The following SNAPIN variants were observed in gnomAD, a reference collection of about 807,000 sequenced individuals.
SNAPIN encodes SNAP associated protein.
A neutral mutation model predicts 15.9 loss-of-function variants in SNAPIN; 16 were observed. The ratio of observed to expected loss-of-function variants is 1.01; its 90% confidence interval spans 0.68 to 1.53. The LOEUF (loss-of-function observed/expected upper bound fraction) is 1.53, where lower values mean the gene tolerates loss of function less well. SNAPIN is among the 40% of genes most tolerant of loss of function. The pLI is 0.00. For missense variants in SNAPIN, 186 were observed against 180.1 expected (o/e 1.03, Z -0.19); for synonymous variants, 83 against 76.2 (o/e 1.09, Z -0.46).
At chr1:153,660,958 A>G in intron 3 of SNAPIN, among the ~76,000 whole-genome samples, 1 of 151,728 alleles carries the variant, frequency 6.6e-6, no homozygotes, top group Non-Finnish European at 1.5e-5. Flanking sequence ...TTTAGTAGAG[A>G]CGGGTTTTAC....
intron 1 of SNAPIN, 59 bp downstream of exon 1, chr1:153,658,945 C>T (rs1030972278): frequency 4.6e-5 from 73 of 1,599,798 alleles, no homozygotes; most frequent in Non-Finnish European, 6.0e-5. Flanking sequence ...GGGGCGGGGC[C>T]AAGAAAGTGT....
Position 153,658,723 on chromosome 1 carries a change from CG to C in SNAPIN, c.-18del. 2 of 1,513,702 alleles carry C rather than the reference CG, an allele frequency of 1.3e-6. No individual in the cohort carries two copies. The highest frequency in any genetic ancestry group is 2.6e-5 in the South Asian group (2 of 75,802). The allele number at this position is 1,513,702 out of a possible 1,614,324, so 93.8% of individuals were successfully genotyped here. A position where few individuals can be genotyped will look rare whatever the true frequency, so the allele number is the denominator to read the frequency against. The stretch of plus-strand genomic sequence containing the variant: ...TCCCGGCGGCCCTCGCGGCAGGTTT[CG>C]GGCTTCAGGACAATTCGTGATGGCG... On this transcript the variant is annotated 5_prime_UTR_variant, in exon 1 of 4. Transcript: ENST00000368685.
intron 3 of SNAPIN, 35 bp from the exon 4 acceptor site, chr1:153,661,165 A>G: frequency 6.4e-7 from 1 of 1,565,162 alleles, no homozygotes; most frequent in Non-Finnish European, 8.8e-7. Context: ...AGCCTTTCAC[A>G]GTGGTTAAGA....
Position 153,661,397 on chromosome 1 carries a change from C to T in SNAPIN, c.*96C>T. On this transcript the variant is annotated 3_prime_UTR_variant, in exon 4 of 4. Transcript: ENST00000368685. ...ATCCTAGGAGACAGTCCCCATAGACCTTCAGACATTAAAAAGGGAGCCGTA... is the reference window on the plus strand; with the variant it reads ...ATCCTAGGAGACAGTCCCCATAGACTTTCAGACATTAAAAAGGGAGCCGTA... The T allele has an allele frequency of 1.1e-6, 1 of 922,498 alleles. No individual in the cohort carries two copies. The highest frequency in any genetic ancestry group is 1.7e-6 in the Non-Finnish European group (1 of 590,060). 57.1% of individuals were successfully genotyped at this position (922,498 alleles called of 1,614,324 possible). A position where few individuals can be genotyped will look rare whatever the true frequency, so the allele number is the denominator to read the frequency against.
chr1:153,661,203 C>T lies in SNAPIN; in HGVS notation c.313C>T (p.Arg105Ter), dbSNP rs142887644. The change falls in exon 4 of 4, where the codon CGA becomes TGA. Residue 105 changes from arginine to a stop codon, truncating the protein, a stop_gained. Coordinates refer to ENST00000368685, the MANE Select transcript of SNAPIN (RefSeq NM_012437.6). LOFTEE classifies it high-confidence loss of function. ...CCAAACCTTCCTTGTCTTGTAGGAA[C>T]GACTGAGACGGCTAAACCACAGTGT... Reference protein sequence around the residue: ...VNNILQNAQERLRRLNHSVAK... With the variant: ...VNNILQNAQE The T allele has an allele frequency of 4.3e-5, 70 of 1,613,192 alleles. No individual in the cohort carries two copies. Among genetic ancestry groups the T allele is most frequent in the South Asian group, 1.8e-4 (16 of 91,078 alleles).
At position 153,659,181 on chromosome 1, in the gene SNAPIN, A is replaced by G. The variant is rs779568038; in HGVS notation, c.187A>G (p.Thr63Ala). Residue 63 changes from threonine (T) to alanine (A), a missense_variant, in exon 2 of 4, where the codon ACA becomes GCA. Coordinates refer to ENST00000368685, the MANE Select transcript of SNAPIN (RefSeq NM_012437.6). ...ELREQIDNLA[T>A]ELCRINEDQK... The stretch of plus-strand genomic sequence containing the variant: ...CCGGGAACAAATTGACAACCTAGCC[A>G]CAGGTGAGTGAGCATCCCTGTGTAC... 3 of 1,613,990 alleles carry G rather than the reference A, an allele frequency of 1.9e-6. No individual in the cohort carries two copies. Among genetic ancestry groups the G allele is most frequent in the African/African-American group, 1.3e-5 (1 of 74,922 alleles).
At chr1:153,660,121 C>T (rs762305034) in intron 3 of SNAPIN, among the ~76,000 whole-genome samples, 1 of 152,144 alleles carries the variant, frequency 6.6e-6, no homozygotes, top group Non-Finnish European at 1.5e-5. Context: ...CTCCCAGGCT[C>T]AAGCGATCCA....
rs16835481 is a variant in SNAPIN, at chr1:153,659,408, A to G, written c.191-40A>G. The G allele has an allele frequency of 5.3e-3, 8,043 of 1,514,216 alleles. 351 individuals carry two copies. In the African/African-American group the frequency reaches 0.098, roughly 18 times the overall value. The allele number at this position is 1,514,216 out of a possible 1,614,324, so 93.8% of individuals were successfully genotyped here. A position where few individuals can be genotyped will look rare whatever the true frequency, so the allele number is the denominator to read the frequency against. ...CCTGCTTTCCCTCAGAACAAGAGATAAGCCGTTAGATCTTAGCTGCACCTT... is the reference window on the plus strand; with the variant it reads ...CCTGCTTTCCCTCAGAACAAGAGATGAGCCGTTAGATCTTAGCTGCACCTT... On this transcript the variant is annotated intron_variant, in intron 2 of 3. Coordinates refer to ENST00000368685, the MANE Select transcript of SNAPIN (RefSeq NM_012437.6).
At position 153,658,887 on chromosome 1, in the gene SNAPIN, G is replaced by T; in HGVS notation, c.143+1G>T. ...TCGACTCTCACGTACACGCCGTCAG[G>T]TGCCCGGGAGGGAAGTTGGGGGCGG... On this transcript the variant is annotated splice_donor_variant, in intron 1 of 3. Coordinates refer to ENST00000368685, the MANE Select transcript of SNAPIN (RefSeq NM_012437.6). LOFTEE classifies it high-confidence loss of function. The T allele has an allele frequency of 6.2e-7, 1 of 1,609,572 alleles. No individual in the cohort carries two copies. The highest frequency in any genetic ancestry group is 8.5e-7 in the Non-Finnish European group (1 of 1,179,204).
In SNAPIN at chr1:153,658,753, GC is replaced by G; in HGVS notation, c.11del (p.Ala4ValfsTer49). The G allele has an allele frequency of 6.4e-7, 1 of 1,564,270 alleles. No individual in the cohort carries two copies. The highest frequency in any genetic ancestry group is 1.2e-5 in the South Asian group (1 of 84,752). On this transcript the variant is annotated frameshift_variant, in exon 1 of 4. Transcript: ENST00000368685. LOFTEE classifies it high-confidence loss of function. MAG[A>X]GSAAVSGAGT... Reference sequence around the variant, plus strand: ...TTCAGGACAATTCGTGATGGCGGGGGCTGGTTCCGCCGCTGTATCGGGGGCA... The same window carrying G: ...TTCAGGACAATTCGTGATGGCGGGGGTGGTTCCGCCGCTGTATCGGGGGCA...
chr1:153,659,498 T>TA lies in SNAPIN; in HGVS notation c.242dup (p.Tyr81Ter). 1 of 1,614,102 alleles carries TA rather than the reference T, an allele frequency of 6.2e-7. No individual in the cohort carries two copies. Among genetic ancestry groups the TA allele is most frequent in the Non-Finnish European group, 8.5e-7 (1 of 1,179,978 alleles). The change falls in exon 3 of 4, where the codon TAT (tyrosine) becomes TAAT (stop). Residue 81 changes from tyrosine (Y) to a stop codon, truncating the protein, a stop_gained and frameshift_variant. Coordinates refer to ENST00000368685, the MANE Select transcript of SNAPIN (RefSeq NM_012437.6). LOFTEE classifies it high-confidence loss of function. The stretch of plus-strand genomic sequence containing the variant: ...GAAGGTGGCCCTGGATCTTGACCCC[T>TA]ATGTTAAGAAGCTACTTAATGCCCG... ...DQKVALDLDPYVKKLLNARRR... is the reference protein window; with the variant it reads ...DQKVALDLDP
intron 3 of SNAPIN, 38 bp downstream of exon 3, chr1:153,659,604 T>G: frequency 7.1e-7 from 1 of 1,412,192 alleles, no homozygotes; most frequent in Non-Finnish European, 1.0e-6. Context: ...TCTTTGCCCT[T>G]TTTTGTAAGT....
Position 153,661,270 on chromosome 1 carries a change from G to A in SNAPIN, c.380G>A (p.Gly127Glu). The change falls in exon 4 of 4, where the codon GGA (glycine) becomes GAA (glutamate). Residue 127 changes from glycine to glutamate, a missense_variant. Physicochemically the swap from Gly to Glu is moderately conservative, Grantham distance 98 (BLOSUM62 -2). Transcript: ENST00000368685. ...TARRRAMLDS[G>E]IYPPGSPGK ...CGCAGGAGAGCAATGCTGGATTCGG[G>A]AATTTACCCCCCTGGCTCCCCAGGC... is the stretch of plus-strand genomic sequence containing the variant. The A allele has an allele frequency of 1.2e-6, 2 of 1,613,604 alleles. No homozygotes were observed. The highest frequency in any genetic ancestry group is 1.7e-6 in the Non-Finnish European group (2 of 1,179,734).
chr1:153,658,891 C>A lies in SNAPIN; in HGVS notation c.143+5C>A. ...CTCTCACGTACACGCCGTCAGGTGC[C>A]CGGGAGGGAAGTTGGGGGCGGGGCC... On this transcript the variant is annotated splice_donor_5th_base_variant and intron_variant, in intron 1 of 3. Coordinates refer to ENST00000368685, the MANE Select transcript of SNAPIN (RefSeq NM_012437.6). The A allele has an allele frequency of 6.2e-7, 1 of 1,609,370 alleles. No individual in the cohort carries two copies. The highest frequency in any genetic ancestry group is 8.5e-7 in the Non-Finnish European group (1 of 1,179,120).
chr1:153,661,283 T>C lies in SNAPIN; in HGVS notation c.393T>C (p.Pro131=), dbSNP rs764776236. 50 of 1,613,226 alleles carry C rather than the reference T, an allele frequency of 3.1e-5. No homozygotes were observed. Among genetic ancestry groups the C allele is most frequent in the Non-Finnish European group, 4.2e-5 (49 of 1,179,490 alleles). The change falls in exon 4 of 4, where the codon CCT becomes CCC. Residue 131 remains proline (P), a synonymous_variant. Coordinates refer to ENST00000368685, the MANE Select transcript of SNAPIN (RefSeq NM_012437.6). ...RAMLDSGIYP[P]GSPGK is the part of the protein sequence containing the mutation. ...TGCTGGATTCGGGAATTTACCCCCC[T>C]GGCTCCCCAGGCAAATAACAGATGA...
intron 3 of SNAPIN, among the ~76,000 whole-genome samples, chr1:153,660,387 G>T (rs1303249867): frequency 6.9e-6 from 1 of 145,704 alleles, no homozygotes; most frequent in East Asian, 2.1e-4. Context: ...GGTGGCTCTT[G>T]CCTGTAATCC....
At position 153,661,579 on chromosome 1, in the gene SNAPIN, T is replaced by C. The variant is rs544399874; in HGVS notation, c.*278T>C. On this transcript the variant is annotated 3_prime_UTR_variant, in exon 4 of 4. Transcript: ENST00000368685. ...CCTCTACTTTTTTTTTTAAGCTGCA[T>C]ACGTGAGGCTTACCTTCTTCAGGAC... The C allele has an allele frequency of 4.1e-5, 11 of 267,726 alleles. No homozygotes were observed. The highest frequency in any genetic ancestry group is 7.4e-5 in the Non-Finnish European group (10 of 134,248). The allele number at this position is 267,726 out of a possible 1,614,324, so 16.6% of individuals were successfully genotyped here.
In SNAPIN at chr1:153,658,775, G is replaced by C. The variant is rs372861451; in HGVS notation, c.32G>C (p.Gly11Ala). 1 of 1,579,970 alleles carries C rather than the reference G, an allele frequency of 6.3e-7. No individual in the cohort carries two copies. The highest frequency in any genetic ancestry group is 1.4e-5 in the African/African-American group (1 of 72,674). ...GGGGCTGGTTCCGCCGCTGTATCGG[G>C]GGCAGGGACCCCGGTGGCGGGGCCC... MAGAGSAAVSGAGTPVAGPTG... is the reference protein window; with the variant it reads MAGAGSAAVSAAGTPVAGPTG... The change falls in exon 1 of 4, where the codon GGG becomes GCG. Residue 11 changes from glycine to alanine, a missense_variant. Gly to Ala is a moderately conservative substitution (Grantham distance 60). Coordinates refer to ENST00000368685, the MANE Select transcript of SNAPIN (RefSeq NM_012437.6).
intron 1 of SNAPIN, 85 bp downstream of exon 1, chr1:153,658,971 G>A (rs1322000538): frequency 1.9e-6 from 3 of 1,593,112 alleles, no homozygotes; most frequent in South Asian, 2.2e-5. Flanking sequence ...CTGGGAGTGG[G>A]CATAAATTTA....
Sources: gnomAD v4.1 joint callset for allele counts (sites outside exome capture counted in the v4.1 genomes callset) on GRCh38, gnomAD v4.1.1 for gene constraint, MANE v1.5 for transcripts, NCBI Gene and HGNC (gene_info 2026-07-23, HGNC 2026-07-21) for gene names.